Variants in PTBP3 observed in about 807,000 individuals in gnomAD.
PTBP3 encodes the protein polypyrimidine tract-binding protein 3.
A neutral mutation model predicts 58.7 loss-of-function variants in PTBP3; 20 were observed. The observed-to-expected ratio is 0.34, with a 90% CI of 0.24 to 0.50. PTBP3 has a LOEUF of 0.50. Among genes scored for constraint, PTBP3 ranks in the 20% least tolerant of loss-of-function variants. The pLI, the probability that PTBP3 is intolerant of heterozygous loss-of-function variation, is 0.98. For missense variants in PTBP3, 509 were observed against 637.2 expected (o/e 0.80, Z 2.17); for synonymous variants, 185 against 219.8 (o/e 0.84, Z 1.40).
intron 1 of PTBP3, among the ~76,000 whole-genome samples, chr9:112,317,222 G>C (rs968837793): frequency 6.6e-6 from 1 of 151,782 alleles, no homozygotes; most frequent in Non-Finnish European, 1.5e-5. Flanking sequence ...TCCAGCCTGG[G>C]CAACACAGTG....
the PTBP3 span, among the ~76,000 whole-genome samples, chr9:112,369,361 G>A: frequency 6.6e-6 from 1 of 152,336 alleles, no homozygotes; most frequent in South Asian, 2.1e-4. Flanking sequence ...ACCCTGCAAA[G>A]CCATGGAGGT....
rs59131083 is a variant in PTBP3, at chr9:112,235,462, G to A, written c.803-565C>T. ...TAATTGAAGAAGCACAGTACTTAGT[G>A]TGTACTAAATGCTAAACAAATGCTG... On this transcript the variant is annotated intron_variant, in intron 7 of 13. Coordinates refer to ENST00000374257, the MANE Select transcript of PTBP3 (RefSeq NM_001163788.4). Among the ~76,000 whole-genome samples the A allele has an allele frequency of 6.6e-3, 1,008 of 152,260 alleles. 15 individuals are homozygous for A. The highest frequency in any genetic ancestry group is 0.023 in the African/African-American group (948 of 41,558).
At chr9:112,242,313 C>A (rs1027956075) in intron 7 of PTBP3, among the ~76,000 whole-genome samples, 32 of 152,110 alleles carry the variant, frequency 2.1e-4, no homozygotes, top group African/African-American at 7.0e-4. Context: ...TTAAATTTCA[C>A]AGATCACCAG....
At chr9:112,336,743 A>G (rs1045566166), upstream of PTBP3, among the ~76,000 whole-genome samples, 3 of 152,166 alleles carry the variant, frequency 2.0e-5, no homozygotes, top group South Asian at 2.1e-4. Flanking sequence ...CCAAATTTCA[A>G]TATTAAAAAA....
intron 2 of PTBP3, among the ~76,000 whole-genome samples, chr9:112,285,757 T>C (rs1173430290): frequency 6.6e-6 from 1 of 152,238 alleles, no homozygotes; most frequent in African/African-American, 2.4e-5. Context: ...TTTTCACGAT[T>C]TTAAATTTTA....
intron 2 of PTBP3, among the ~76,000 whole-genome samples, chr9:112,287,488 A>G (rs1828189408): frequency 6.6e-6 from 1 of 151,452 alleles, no homozygotes; most frequent in Non-Finnish European, 1.5e-5. Flanking sequence ...TTACCGGTGC[A>G]CACCACCACG....
the PTBP3 span, among the ~76,000 whole-genome samples, chr9:112,346,653 T>G: frequency 6.6e-6 from 1 of 152,232 alleles, no homozygotes; most frequent in Non-Finnish European, 1.5e-5. Context: ...TATATGACTT[T>G]AGGATATAAA....
At chr9:112,356,929 G>T in the PTBP3 span, among the ~76,000 whole-genome samples, 1 of 134,566 alleles carries the variant, frequency 7.4e-6, no homozygotes, top group Non-Finnish European at 1.5e-5. Flanking sequence ...GCCCAGGCTG[G>T]AGTGCAATGG....
chr9:112,267,173 T>C (rs1274872439), intron 4 of PTBP3, among the ~76,000 whole-genome samples: 1 of 150,998 alleles, frequency 6.6e-6, no homozygotes, highest in Non-Finnish European at 1.5e-5. Context: ...ACTTTCTTTT[T>C]TTTTTTTTTT....
At chr9:112,329,950 AT>A (rs1196799389) in intron 1 of PTBP3, among the ~76,000 whole-genome samples, 1 of 149,512 alleles carries the variant, frequency 6.7e-6, no homozygotes, top group East Asian at 2.0e-4. Flanking sequence ...GGCTCAGGTG[AT>A]TCTCCCACCT....
chr9:112,224,229 G>A lies in PTBP3; in HGVS notation c.1365-19C>T, dbSNP rs762453482. 6.2e-6 allele frequency: 9 copies of A among 1,463,138 alleles called. No individual in the cohort carries two copies. The highest frequency in any genetic ancestry group is 1.8e-4 in the Middle Eastern group (1 of 5,552). The allele number at this position is 1,463,138 out of a possible 1,614,324, so 90.6% of individuals were successfully genotyped here. On this transcript the variant is annotated intron_variant, in intron 12 of 13. Transcript: ENST00000374257. ...AGAAGGGCTGTGAAAACATCAGAGG[G>A]AGTCAACTACCTGGGCCGCATTCTC...
At chr9:112,372,443 G>A in the PTBP3 span, among the ~76,000 whole-genome samples, 71 of 152,256 alleles carry the variant, frequency 4.7e-4, no homozygotes, top group African/African-American at 1.3e-3. Context: ...CAATCTTAAA[G>A]TGAAATTTTC....
At chr9:112,365,603 A>G in the PTBP3 span, among the ~76,000 whole-genome samples, 1 of 152,112 alleles carries the variant, frequency 6.6e-6, no homozygotes, top group East Asian at 1.9e-4. Context: ...ATGAAAATGG[A>G]CTAATACAGT....
intron 2 of PTBP3, among the ~76,000 whole-genome samples, chr9:112,278,124 CA>C (rs1410851950): frequency 6.6e-6 from 1 of 152,098 alleles, no homozygotes; most frequent in African/African-American, 2.4e-5. Flanking sequence ...CACAAATACC[CA>C]AACTAAAGTG....
chr9:112,283,803 C>A (rs976148699), intron 2 of PTBP3, among the ~76,000 whole-genome samples: 1 of 152,230 alleles, frequency 6.6e-6, no homozygotes, highest in East Asian at 1.9e-4. Context: ...CTGGCCTGGG[C>A]CCTGCTGCTC....
intron 7 of PTBP3, among the ~76,000 whole-genome samples, chr9:112,243,156 A>G (rs1393685593): frequency 6.8e-6 from 1 of 147,670 alleles, no homozygotes; most frequent in African/African-American, 2.5e-5. Context: ...AACAGTTTTC[A>G]GCAGCTCTAC....
chr9:112,297,748 A>C (rs118148130), intron 2 of PTBP3, 84 bp downstream of exon 2: 32 of 1,158,368 alleles, frequency 2.8e-5, no homozygotes, highest in Non-Finnish European at 3.9e-5. Context: ...GCACTTCAAC[A>C]TGATATAAGC....
At chr9:112,239,713 A>AGAGT (rs1488916969) in intron 7 of PTBP3, among the ~76,000 whole-genome samples, 2 of 151,300 alleles carry the variant, frequency 1.3e-5, no homozygotes, top group East Asian at 3.9e-4. Flanking sequence ...CCTGGGTAAC[A>AGAGT]GAGTGAGAGA....
chr9:112,276,952 C>T (rs1827635281), intron 2 of PTBP3, among the ~76,000 whole-genome samples: 1 of 152,140 alleles, frequency 6.6e-6, no homozygotes, highest in African/African-American at 2.4e-5. Context: ...ACTAAATACC[C>T]TATTTGCCAC....
Sources: allele counts gnomAD v4.1 joint callset (sites outside exome capture counted in the v4.1 genomes callset), GRCh38; gene constraint gnomAD v4.1.1; transcripts MANE v1.5; gene names NCBI Gene and HGNC (gene_info 2026-07-23, HGNC 2026-07-21).